Variants in ZNF600 observed in about 807,000 individuals in gnomAD.
The protein encoded by ZNF600 is zinc finger protein KR-ZNF1.
ZNF600 carries 4 observed loss-of-function variants against 7.3 expected under a neutral mutation model. The ratio of observed to expected loss-of-function variants is 0.55; its 90% confidence interval spans 0.27 to 1.25. ZNF600 has a LOEUF of 1.25. Among genes scored for constraint, ZNF600 ranks in the 50% most tolerant of loss-of-function variants. The pLI is 0.12. For synonymous variants in ZNF600, 290 were observed against 308.9 expected, an observed-to-expected ratio of 0.94 and a Z score of 0.64; for missense variants, 911 against 922.1, an observed-to-expected ratio of 0.99 and a Z score of 0.16.
chr19:52,817,834 A>T, the ZNF600 span: 4 of 1,575,116 alleles, frequency 2.5e-6, no homozygotes, highest in East Asian at 9.0e-5. Flanking sequence ...GGTGAGGGTG[A>T]GCAAACATAT....
the ZNF600 span, among the ~76,000 whole-genome samples, chr19:52,803,583 C>T: frequency 6.6e-6 from 1 of 152,140 alleles, no homozygotes; most frequent in East Asian, 1.9e-4. Context: ...TACTTACCAC[C>T]AGCACACAAC....
intron 2 of ZNF600, among the ~76,000 whole-genome samples, chr19:52,778,382 C>CATT (rs1213039070): frequency 6.6e-6 from 1 of 152,076 alleles, no homozygotes; most frequent in East Asian, 1.9e-4. Context: ...GCTTCAAATG[C>CATT]ATTACCAAAT....
the ZNF600 span, chr19:52,809,808 A>G: frequency 2.4e-6 from 1 of 414,844 alleles, no homozygotes; most frequent in South Asian, 2.9e-5. Context: ...AAAGGAGCCC[A>G]GTCTGAGCGG....
chr19:52,768,887 A>G (rs925444771), intron 3 of ZNF600, among the ~76,000 whole-genome samples: 4 of 152,194 alleles, frequency 2.6e-5, no homozygotes, highest in African/African-American at 9.7e-5. Flanking sequence ...GTTGGTAGCA[A>G]TTACTCTTTA....
chr19:52,800,671 A>G, the ZNF600 span: 483 of 1,613,264 alleles, frequency 3.0e-4, no homozygotes, highest in African/African-American at 2.1e-3. Flanking sequence ...TTGCGACTGA[A>G]AACTTTTTCA....
chr19:52,807,725 T>A, the ZNF600 span, among the ~76,000 whole-genome samples: 1 of 152,224 alleles, frequency 6.6e-6, no homozygotes, highest in African/African-American at 2.4e-5. Flanking sequence ...TCCACACGCC[T>A]TGGCCTCCCA....
chr19:52,813,978 T>C, the ZNF600 span, among the ~76,000 whole-genome samples: 1 of 146,760 alleles, frequency 6.8e-6, no homozygotes, highest in East Asian at 2.0e-4. Context: ...TTTTTTAATA[T>C]GTGTCATGAA....
At position 52,783,930 on chromosome 19, in the gene ZNF600, A is replaced by G. The variant is rs1442585397; in HGVS notation, c.-20+2665T>C. The stretch of plus-strand genomic sequence containing the variant: ...CTCAGCCTCCTAATCCAAAATTAGC[A>G]GGGCGTGGTGGCGCATGCCAGTAAT... On this transcript the variant is annotated intron_variant, in intron 1 of 3. Transcript: ENST00000648973. 3.9e-5 allele frequency among the ~76,000 whole-genome samples: 6 copies of G among 152,228 alleles called. 1 individual carries two copies. Among genetic ancestry groups the G allele is most frequent in the Non-Finnish European group, 2.9e-5 (2 of 68,012 alleles).
the ZNF600 span, among the ~76,000 whole-genome samples, chr19:52,793,718 G>C: frequency 6.6e-6 from 1 of 150,620 alleles, no homozygotes; most frequent in East Asian, 1.9e-4. Context: ...AGTGAATCAA[G>C]ATTGAGCCAC....
At chr19:52,797,895 G>A in the ZNF600 span, 1 of 151,992 alleles carries the variant, frequency 6.6e-6, no homozygotes, top group African/African-American at 2.4e-5. Context: ...GGTAGAGGTG[G>A]GTGAATCATA....
At chr19:52,820,759 G>C in the ZNF600 span, among the ~76,000 whole-genome samples, 1 of 152,090 alleles carries the variant, frequency 6.6e-6, no homozygotes, top group Admixed American at 6.5e-5. Context: ...CATTTCTCCA[G>C]TTGCTTTTCT....
At chr19:52,765,278 T>A (rs1374834698) in exon 4 of ZNF600, 1 of 613,872 alleles carries the variant, frequency 1.6e-6, no homozygotes, top group Non-Finnish European at 3.2e-6. Flanking sequence ...CAGTAGGGAT[T>A]CTCTGATGTC....
At chr19:52,777,137 A>T (rs943507676) in intron 2 of ZNF600, among the ~76,000 whole-genome samples, 4 of 152,062 alleles carry the variant, frequency 2.6e-5, no homozygotes, top group East Asian at 1.9e-4. Flanking sequence ...TCCCAGCACT[A>T]TGGGAGGCTG....
the ZNF600 span, chr19:52,801,504 G>A: frequency 1.9e-6 from 3 of 1,614,014 alleles, no homozygotes; most frequent in Non-Finnish European, 1.7e-6. Context: ...TTTGATTTCT[G>A]TCATGGGTGC....
At chr19:52,765,437 A>G (rs2062560974) in exon 4 of ZNF600, 2 of 1,205,822 alleles carry the variant, frequency 1.7e-6, no homozygotes, top group Non-Finnish European at 1.2e-6. Flanking sequence ...GTTTCTCTCC[A>G]GTATGAGTGT....
intron 1 of ZNF600, among the ~76,000 whole-genome samples, chr19:52,779,690 C>T (rs1301359770): frequency 6.6e-6 from 1 of 152,118 alleles, no homozygotes; most frequent in Admixed American, 6.5e-5. Context: ...TTCAAAGTCA[C>T]CCCTCTGCTC....
chr19:52,774,258 C>T (rs866746040), intron 3 of ZNF600, among the ~76,000 whole-genome samples: 4 of 151,254 alleles, frequency 2.6e-5, no homozygotes, highest in South Asian at 4.2e-4. Flanking sequence ...AGAGAAACCC[C>T]GTCTCTACTG....
chr19:52,783,385 C>G (rs563553819), intron 1 of ZNF600, among the ~76,000 whole-genome samples: 107 of 152,004 alleles, frequency 7.0e-4, no homozygotes, highest in Non-Finnish European at 1.2e-3. Context: ...GTTTTGAGAC[C>G]GAGTCTCGCT....
the ZNF600 span, among the ~76,000 whole-genome samples, chr19:52,832,611 T>A: frequency 2.6e-5 from 4 of 151,930 alleles, no homozygotes; most frequent in African/African-American, 7.3e-5. Flanking sequence ...AATAAATAAA[T>A]AAAACAATTA....
Sources: allele counts gnomAD v4.1 joint callset (sites outside exome capture counted in the v4.1 genomes callset), GRCh38; gene constraint gnomAD v4.1.1; transcripts MANE v1.5; gene names NCBI Gene and HGNC (gene_info 2026-07-23, HGNC 2026-07-21).